Variants in PRKG2 observed in about 807,000 individuals in gnomAD.
The protein encoded by PRKG2 is cGMP-dependent protein kinase 2.
Under a neutral mutation model 97.2 loss-of-function variants are expected in PRKG2, and 33 were observed. The observed-to-expected ratio is 0.34, with a 90% CI of 0.26 to 0.45. The LOEUF (loss-of-function observed/expected upper bound fraction) is 0.45, where lower values mean the gene tolerates loss of function less well. Ranked by LOEUF, PRKG2 falls within the 20% of genes least tolerant of loss-of-function variation. PRKG2 has a pLI of 1.00. For missense variants in PRKG2, 638 were observed against 900.0 expected, an observed-to-expected ratio of 0.71 and a Z score of 3.73; for synonymous variants, 330 against 321.8, an observed-to-expected ratio of 1.03 and a Z score of -0.27.
At chr4:81,095,551 C>T (rs984218822) in intron 17 of PRKG2, among the ~76,000 whole-genome samples, 2 of 152,214 alleles carry the variant, frequency 1.3e-5, no homozygotes, top group African/African-American at 2.4e-5. Flanking sequence ...CCATGTGTTG[C>T]TTACAGAGTA....
intron 10 of PRKG2, among the ~76,000 whole-genome samples, chr4:81,143,720 A>T (rs1298047321): frequency 6.6e-6 from 1 of 152,150 alleles, no homozygotes; most frequent in African/African-American, 2.4e-5. Flanking sequence ...CATTCACTCT[A>T]AAAAAATGTT....
intron 13 of PRKG2, among the ~76,000 whole-genome samples, chr4:81,136,769 T>C (rs995564252): frequency 6.6e-6 from 1 of 152,212 alleles, no homozygotes; most frequent in Admixed American, 6.5e-5. Context: ...CTTAGTTTTC[T>C]CACTAAACAA....
intron 14 of PRKG2, among the ~76,000 whole-genome samples, chr4:81,118,041 T>C (rs1384302197): frequency 6.6e-6 from 1 of 152,242 alleles, no homozygotes; most frequent in Non-Finnish European, 1.5e-5. Context: ...ATCTTTTTGC[T>C]GTCTCCAATA....
chr4:81,103,169 T>C (rs922882758), intron 17 of PRKG2, among the ~76,000 whole-genome samples: 1 of 152,212 alleles, frequency 6.6e-6, no homozygotes, highest in Non-Finnish European at 1.5e-5. Flanking sequence ...GTCTTTTTTT[T>C]ATTATTATAC....
intron 5 of PRKG2, 21 bp downstream of exon 5, chr4:81,169,642 C>A: frequency 6.6e-7 from 1 of 1,509,078 alleles, no homozygotes; most frequent in Non-Finnish European, 9.2e-7. Context: ...TCTTCACTGT[C>A]TCCCAATGTA....
chr4:81,140,814 C>T, intron 11 of PRKG2, 145 bp from the exon 12 acceptor site: 1 of 583,000 alleles, frequency 1.7e-6, no homozygotes, highest in Non-Finnish European at 2.8e-6. Context: ...TTCAAGTGTA[C>T]ACACTTCCCT....
intron 17 of PRKG2, among the ~76,000 whole-genome samples, chr4:81,098,897 A>G (rs1196628156): frequency 6.6e-6 from 1 of 152,242 alleles, no homozygotes; most frequent in South Asian, 2.1e-4. Context: ...TGTTGTTGGA[A>G]AAATGGCCCT....
At chr4:81,183,877 G>C (rs937136123) in intron 2 of PRKG2, among the ~76,000 whole-genome samples, 1 of 152,172 alleles carries the variant, frequency 6.6e-6, no homozygotes, top group Non-Finnish European at 1.5e-5. Flanking sequence ...AAAGCTGCAG[G>C]GAAGTTCAAA....
rs376913619 is a variant in PRKG2 at position 81,171,785 on chromosome 4, G to C, written c.648C>G (p.Phe216Leu). ...FVLAEGRLEV[F>L]QGEKLLSSIP... ...TGGAGGACAGCAATTTCTCCCCTTG[G>C]AACACCTCTAGTCGACCCTCTATCA... The change falls in exon 4 of 19, where the codon TTC becomes TTG. Residue 216 changes from phenylalanine (F) to leucine (L), a missense_variant. Around this residue, in one of 3 missense-constraint regions of PRKG2, gnomAD observed 332 missense variants for 421.7 expected, o/e 0.79. Coordinates refer to ENST00000264399, the MANE Select transcript of PRKG2 (RefSeq NM_006259.3). The C allele has an allele frequency of 4.3e-6, 7 of 1,609,352 alleles. No individual in the cohort carries two copies. Among genetic ancestry groups the C allele is most frequent in the Non-Finnish European group, 5.1e-6 (6 of 1,177,846 alleles).
At chr4:81,211,852 C>A (rs1221792206) in intron 1 of PRKG2, among the ~76,000 whole-genome samples, 1 of 152,022 alleles carries the variant, frequency 6.6e-6, no homozygotes, top group Admixed American at 6.5e-5. Context: ...TCATGGAAAC[C>A]AGAATTGATT....
intron 2 of PRKG2, among the ~76,000 whole-genome samples, chr4:81,201,465 G>A (rs1272548858): frequency 2.0e-5 from 3 of 152,134 alleles, no homozygotes; most frequent in Non-Finnish European, 4.4e-5. Flanking sequence ...AATGCCAGTA[G>A]AGTTTCATTA....
chr4:81,111,365 T>A (rs1053068963), intron 14 of PRKG2, among the ~76,000 whole-genome samples: 1 of 152,006 alleles, frequency 6.6e-6, no homozygotes, highest in African/African-American at 2.4e-5. Context: ...ACTCTCAGAC[T>A]TCAGTGCATT....
At chr4:81,147,772 T>C (rs1334810266) in intron 9 of PRKG2, among the ~76,000 whole-genome samples, 1 of 152,146 alleles carries the variant, frequency 6.6e-6, no homozygotes, top group Non-Finnish European at 1.5e-5. Flanking sequence ...AGAATTAAAA[T>C]AACTCTAAGT....
At chr4:81,144,981 C>T (rs1328325363) in intron 9 of PRKG2, among the ~76,000 whole-genome samples, 1 of 151,968 alleles carries the variant, frequency 6.6e-6, no homozygotes, top group Non-Finnish European at 1.5e-5. Flanking sequence ...TGTATATGTG[C>T]CACATTTTCT....
At chr4:81,213,584 T>C (rs887380797) in intron 1 of PRKG2, among the ~76,000 whole-genome samples, 9 of 152,190 alleles carry the variant, frequency 5.9e-5, no homozygotes, top group Admixed American at 4.6e-4. Flanking sequence ...GAGTAGAGCC[T>C]GCAAGACGAT....
intron 6 of PRKG2, among the ~76,000 whole-genome samples, chr4:81,155,474 G>T (rs1400662603): frequency 1.3e-5 from 2 of 152,020 alleles, no homozygotes; most frequent in African/African-American, 2.4e-5. Flanking sequence ...GAAAGTGATG[G>T]GGAGAACGGA....
chr4:81,163,004 C>T (rs149065291), intron 6 of PRKG2, among the ~76,000 whole-genome samples: 7 of 152,172 alleles, frequency 4.6e-5, no homozygotes, highest in South Asian at 2.1e-4. Flanking sequence ...TCCTAACAAC[C>T]GAATAACTTC....
Position 81,103,354 on chromosome 4 carries a change from C to CTAAATTGATTAA in PRKG2, c.2126+1015_2126+1016insTTAATCAATTTA, listed in dbSNP as rs1371556238. Among the ~76,000 whole-genome samples, 1,215 of 151,814 alleles carry CTAAATTGATTAA rather than the reference C, an allele frequency of 8.0e-3. 10 individuals are homozygous for CTAAATTGATTAA. Among genetic ancestry groups the CTAAATTGATTAA allele is most frequent in the African/African-American group, 0.027 (1,137 of 41,388 alleles). On this transcript the variant is annotated intron_variant, in intron 17 of 18. Coordinates refer to ENST00000264399, the MANE Select transcript of PRKG2 (RefSeq NM_006259.3). ...GCCGTCTTATGAAGGTTATCAATGG[C>CTAAATTGATTAA]TCTAAAGGCCAGCTTTAAAAATTCA...
chr4:81,125,993 C>T (rs1024500465), intron 14 of PRKG2, among the ~76,000 whole-genome samples: 28 of 152,294 alleles, frequency 1.8e-4, no homozygotes, highest in African/African-American at 6.7e-4. Context: ...CTGTCATCTA[C>T]ATTAGGTATT....
Sources: allele counts gnomAD v4.1 joint callset (sites outside exome capture counted in the v4.1 genomes callset), GRCh38; gene constraint gnomAD v4.1.1; regional missense constraint gnomAD v4.1.1; transcripts MANE v1.5; gene names NCBI Gene and HGNC (gene_info 2026-07-23, HGNC 2026-07-21).